Variants in SYNPR observed in about 807,000 individuals in gnomAD.
SYNPR encodes synaptoporin.
SYNPR carries 23 observed loss-of-function variants against 32.9 expected under a neutral mutation model. That is an observed-to-expected ratio of 0.70 (90% CI 0.50 to 0.99). The LOEUF (loss-of-function observed/expected upper bound fraction) is 0.99. SYNPR is among the 50% of genes least tolerant of loss of function. The pLI is 0.00. For missense variants in SYNPR, 318 were observed against 349.3 expected (o/e 0.91, Z 0.71); for synonymous variants, 146 against 135.9 (o/e 1.07, Z -0.52).
At chr3:63,352,983 G>A (rs1204664160) in intron 2 of SYNPR, among the ~76,000 whole-genome samples, 1 of 152,210 alleles carries the variant, frequency 6.6e-6, no homozygotes, top group African/African-American at 2.4e-5. Flanking sequence ...TTTGAGTGGG[G>A]ACAGAGCTAA....
chr3:63,353,515 A>C (rs2087536928), intron 2 of SYNPR, among the ~76,000 whole-genome samples: 2 of 152,214 alleles, frequency 1.3e-5, no homozygotes, highest in African/African-American at 4.8e-5. Flanking sequence ...GGCTTTGTCC[A>C]CACAGCCCTA....
At chr3:63,570,178 A>G (rs758166687) in intron 4 of SYNPR, among the ~76,000 whole-genome samples, 4 of 152,134 alleles carry the variant, frequency 2.6e-5, no homozygotes, top group Non-Finnish European at 5.9e-5. Context: ...TGAAACCCTC[A>G]TGCATTAAGA....
intron 2 of SYNPR, among the ~76,000 whole-genome samples, chr3:63,470,903 C>A (rs991882974): frequency 6.6e-6 from 1 of 152,196 alleles, no homozygotes; most frequent in Non-Finnish European, 1.5e-5. Context: ...GAAAAACAAA[C>A]CCCTATTTGT....
At chr3:63,477,247 T>C (rs1279402313) in intron 2 of SYNPR, among the ~76,000 whole-genome samples, 3 of 152,106 alleles carry the variant, frequency 2.0e-5, no homozygotes, top group Non-Finnish European at 2.9e-5. Flanking sequence ...CACTGTGTCT[T>C]GATGTATTCC....
intron 2 of SYNPR, among the ~76,000 whole-genome samples, chr3:63,264,184 T>A (rs1008111883): frequency 6.6e-6 from 1 of 152,128 alleles, no homozygotes; most frequent in Non-Finnish European, 1.5e-5. Flanking sequence ...TAGCATGGAT[T>A]TGCTGCCTGA....
chr3:63,571,513 T>C (rs1472343937), intron 4 of SYNPR, among the ~76,000 whole-genome samples: 1 of 152,098 alleles, frequency 6.6e-6, no homozygotes, highest in Non-Finnish European at 1.5e-5. Flanking sequence ...AAACTAGAGA[T>C]TTACTCTTGA....
chr3:63,559,725 A>T (rs1021175252), intron 4 of SYNPR, among the ~76,000 whole-genome samples: 2 of 151,730 alleles, frequency 1.3e-5, no homozygotes, highest in African/African-American at 2.4e-5. Context: ...TTCTATCTCA[A>T]ATTTCAGTTA....
At chr3:63,591,607 C>G (rs371099902) in intron 4 of SYNPR, among the ~76,000 whole-genome samples, 2 of 135,826 alleles carry the variant, frequency 1.5e-5, no homozygotes, top group African/African-American at 5.6e-5. Context: ...ACATATACAC[C>G]ATGGAATACT....
chr3:63,248,783 A>C (rs1194178414), intron 1 of SYNPR, among the ~76,000 whole-genome samples: 2 of 152,152 alleles, frequency 1.3e-5, no homozygotes, highest in Non-Finnish European at 2.9e-5. Flanking sequence ...ACACATGCTC[A>C]AGGGACATTC....
intron 2 of SYNPR, among the ~76,000 whole-genome samples, chr3:63,467,775 T>C (rs1700711679): frequency 6.6e-6 from 1 of 152,228 alleles, no homozygotes; most frequent in South Asian, 2.1e-4. Flanking sequence ...TTTAACTGTC[T>C]ATTTTAGTTT....
At chr3:63,333,336 T>TA (rs545756228) in intron 2 of SYNPR, among the ~76,000 whole-genome samples, 24,792 of 136,612 alleles carry the variant, frequency 0.18, 2,214 homozygotes, top group African/African-American at 0.26. Flanking sequence ...ACTTTGAATC[T>TA]AAAAAAAAAA....
chr3:63,579,828 C>T (rs1337603406), intron 4 of SYNPR, among the ~76,000 whole-genome samples: 2 of 150,632 alleles, frequency 1.3e-5, no homozygotes, highest in Non-Finnish European at 2.9e-5. Flanking sequence ...CACACACGCA[C>T]ACACACACAA....
At chr3:63,554,934 T>C (rs1332407615) in intron 3 of SYNPR, among the ~76,000 whole-genome samples, 11 of 152,228 alleles carry the variant, frequency 7.2e-5, no homozygotes, top group Admixed American at 5.2e-4. Flanking sequence ...TTCACCTCCT[T>C]GGTTAGCTGC....
intron 2 of SYNPR, among the ~76,000 whole-genome samples, chr3:63,467,216 TG>T (rs1374420403): frequency 4.6e-5 from 7 of 152,092 alleles, no homozygotes; most frequent in Non-Finnish European, 1.0e-4. Context: ...TTTGTAGAGA[TG>T]GGGGTCTCAC....
intron 4 of SYNPR, among the ~76,000 whole-genome samples, chr3:63,607,862 A>C (rs945547416): frequency 3.3e-5 from 5 of 150,740 alleles, no homozygotes; most frequent in Non-Finnish European, 7.4e-5. Context: ...GATCGTGATG[A>C]AAAGTAATTC....
chr3:63,487,178 C>G (rs1306426868), intron 3 of SYNPR, among the ~76,000 whole-genome samples: 2 of 152,116 alleles, frequency 1.3e-5, no homozygotes, highest in African/African-American at 4.8e-5. Flanking sequence ...ATCAAATATT[C>G]TTTTCACACT....
chr3:63,595,757 A>ATATATAATTT, intron 4 of SYNPR, among the ~76,000 whole-genome samples: 1 of 31,016 alleles, frequency 3.2e-5, no homozygotes, highest in African/African-American at 2.2e-4. Flanking sequence ...ATATATATAT[A>ATATATAATTT]TATATATATA....
chr3:63,417,797 G>A (rs1213224632), intron 2 of SYNPR, among the ~76,000 whole-genome samples: 1 of 152,176 alleles, frequency 6.6e-6, no homozygotes, highest in Non-Finnish European at 1.5e-5. Flanking sequence ...TGGGGTGGCT[G>A]GGACACAGGG....
At chr3:63,600,166 A>G (rs1435423578) in intron 4 of SYNPR, among the ~76,000 whole-genome samples, 1 of 152,214 alleles carries the variant, frequency 6.6e-6, no homozygotes, top group Non-Finnish European at 1.5e-5. Context: ...TGTAGTACCT[A>G]CGTCATAAGA....
Sources: allele counts gnomAD v4.1 joint callset (sites outside exome capture counted in the v4.1 genomes callset), GRCh38; gene constraint gnomAD v4.1.1; transcripts MANE v1.5; gene names NCBI Gene and HGNC (gene_info 2026-07-23, HGNC 2026-07-21).